The following DMD variants were observed in gnomAD, a reference collection of about 807,000 sequenced individuals.
The protein encoded by DMD is dystrophin, also known as mutant dystrophin.
Under a neutral mutation model 330.1 loss-of-function variants are expected in DMD, and 63 were observed. That is an observed-to-expected ratio of 0.19 (90% confidence interval 0.16 to 0.24). The LOEUF is 0.24. Ranked by LOEUF, DMD falls within the 10% of genes least tolerant of loss-of-function variation. The pLI is 1.00. For missense variants in DMD, 3,344 were observed against 2,684.1 expected, an observed-to-expected ratio of 1.25 and a Z score of -5.43; for synonymous variants, 1,223 against 959.8, an observed-to-expected ratio of 1.27 and a Z score of -5.07.
chrX:32,253,625 C>CT (rs200535114), intron 43 of DMD, among the ~76,000 whole-genome samples: 6,016 of 88,961 alleles, frequency 0.068, 413 homozygotes, highest in East Asian at 0.37. Context: ...TTGATTTAAT[C>CT]TTTTTTTTTT....
intron 3 of DMD, among the ~76,000 whole-genome samples, chrX:32,848,940 G>A (rs1351532102): frequency 1.8e-5 from 2 of 110,814 alleles, no homozygotes; most frequent in African/African-American, 6.6e-5. Flanking sequence ...TTTGCTAACT[G>A]ACTTTGAACG....
At chrX:32,718,632 T>A (rs1261615069) in intron 7 of DMD, among the ~76,000 whole-genome samples, 1 of 112,158 alleles carries the variant, frequency 8.9e-6, no homozygotes, top group Non-Finnish European at 1.9e-5. Context: ...ATTGGATATA[T>A]TACTTTTGCT....
intron 9 of DMD, among the ~76,000 whole-genome samples, chrX:32,651,689 T>G (rs994547322): frequency 9.0e-6 from 1 of 111,433 alleles, no homozygotes; most frequent in Non-Finnish European, 1.9e-5. Flanking sequence ...CGGTAAATCC[T>G]CCATTATCCA....
chrX:32,608,717 A>G (rs2056932735), intron 12 of DMD, among the ~76,000 whole-genome samples: 1 of 110,866 alleles, frequency 9.0e-6, no homozygotes, highest in African/African-American at 3.3e-5. Context: ...AAAAACATTT[A>G]CTGAGCATCA....
chrX:31,480,832 T>G (rs1208152513), intron 57 of DMD, among the ~76,000 whole-genome samples: 3 of 111,395 alleles, frequency 2.7e-5, no homozygotes, highest in African/African-American at 9.8e-5. Flanking sequence ...TAGGAATATT[T>G]AACATATAAT....
chrX:32,218,787 G>T (rs981101174), intron 43 of DMD, among the ~76,000 whole-genome samples: 60 of 111,519 alleles, frequency 5.4e-4, no homozygotes, highest in African/African-American at 1.8e-3. Context: ...AGGTGAAAAT[G>T]GTATTAAATA....
At chrX:32,794,800 G>T (rs1188542910) in intron 7 of DMD, among the ~76,000 whole-genome samples, 2 of 111,669 alleles carry the variant, frequency 1.8e-5, no homozygotes, top group African/African-American at 6.5e-5. Context: ...TCTCAGATCT[G>T]ATAAATAAAT....
chrX:32,442,035 T>A (rs1431203240), intron 27 of DMD, among the ~76,000 whole-genome samples: 1 of 110,947 alleles, frequency 9.0e-6, no homozygotes, highest in African/African-American at 3.3e-5. Flanking sequence ...GAAACTGATT[T>A]ATACACAGAA....
intron 78 of DMD, among the ~76,000 whole-genome samples, chrX:31,125,816 C>T (rs1262393074): frequency 2.7e-5 from 3 of 112,153 alleles, no homozygotes; most frequent in East Asian, 5.6e-4. Flanking sequence ...CCTCTCAAAA[C>T]TCCAATATTT....
At chrX:31,831,603 A>C in intron 49 of DMD, among the ~76,000 whole-genome samples, 1 of 110,589 alleles carries the variant, frequency 9.0e-6, no homozygotes, top group African/African-American at 3.3e-5. Context: ...ACTTGTATTT[A>C]TTTATTTATT....
chrX:32,755,857 G>A (rs1488725375), intron 7 of DMD, among the ~76,000 whole-genome samples: 2 of 111,785 alleles, frequency 1.8e-5, no homozygotes, highest in African/African-American at 3.2e-5. Context: ...TATGGGTTTC[G>A]CTTGTGCTAT....
chrX:32,815,088 T>A (rs756729457), intron 6 of DMD, among the ~76,000 whole-genome samples: 4 of 111,052 alleles, frequency 3.6e-5, no homozygotes, highest in East Asian at 2.9e-4. Context: ...AACGTGACAT[T>A]TGAATGCATG....
chrX:32,931,868 C>T (rs771683305), intron 2 of DMD, among the ~76,000 whole-genome samples: 2 of 111,574 alleles, frequency 1.8e-5, no homozygotes, highest in Non-Finnish European at 3.8e-5. Flanking sequence ...TCTACTGTGT[C>T]AAAGCAGATT....
At chrX:32,097,600 T>C (rs773389777) in intron 44 of DMD, among the ~76,000 whole-genome samples, 1 of 111,837 alleles carries the variant, frequency 8.9e-6, no homozygotes, top group East Asian at 2.8e-4. Context: ...AGTGACTTAG[T>C]TAAAATACAA....
intron 1 of DMD, among the ~76,000 whole-genome samples, chrX:33,281,552 AT>A (rs1325862716): frequency 8.1e-5 from 9 of 111,255 alleles, no homozygotes; most frequent in African/African-American, 2.6e-4. Context: ...TCAACATCTA[AT>A]TTATCTAAGT....
chrX:32,875,007 A>G (rs952882702), intron 2 of DMD, among the ~76,000 whole-genome samples: 6 of 112,366 alleles, frequency 5.3e-5, no homozygotes, highest in Admixed American at 4.7e-4. Context: ...AGAAAAATCA[A>G]TAAGCTGAAC....
At chrX:32,642,470 T>G (rs1334286955) in intron 11 of DMD, among the ~76,000 whole-genome samples, 3 of 112,040 alleles carry the variant, frequency 2.7e-5, no homozygotes, top group Non-Finnish European at 5.6e-5. Context: ...TACTGCCATT[T>G]TAGCATTTCC....
chrX:32,481,808 A>T (rs1202844078), intron 21 of DMD, among the ~76,000 whole-genome samples: 1 of 112,098 alleles, frequency 8.9e-6, no homozygotes, highest in African/African-American at 3.2e-5. Flanking sequence ...AATAAGCTCC[A>T]TGAAGACATA....
intron 26 of DMD, among the ~76,000 whole-genome samples, chrX:32,450,600 G>C (rs748909198): frequency 9.1e-6 from 1 of 110,405 alleles, no homozygotes; most frequent in Non-Finnish European, 1.9e-5. Context: ...CTTCTCGGAT[G>C]TGTTTTGTTA....
Sources: allele counts gnomAD v4.1 joint callset (sites outside exome capture counted in the v4.1 genomes callset), GRCh38; gene constraint gnomAD v4.1.1; transcripts MANE v1.5; gene names NCBI Gene and HGNC (gene_info 2026-07-23, HGNC 2026-07-21).